CASP1: variants seen among roughly 807,000 people sequenced by gnomAD.
CASP1 encodes the protein caspase-1.
Under a neutral mutation model 41.2 loss-of-function variants are expected in CASP1, and 31 were observed. The ratio of observed to expected loss-of-function variants is 0.75; its 90% CI spans 0.57 to 1.02. CASP1 has a LOEUF of 1.02. Among genes scored for constraint, CASP1 ranks in the 50% least tolerant of loss-of-function variants. The pLI, the probability that CASP1 is intolerant of heterozygous loss-of-function variation, is 0.00. For synonymous variants in CASP1, 163 were observed against 166.5 expected (o/e 0.98, Z 0.16); for missense variants, 490 against 495.7 (o/e 0.99, Z 0.11).
At chr11:105,028,366 T>A (rs1397855248) in intron 7 of CASP1, among the ~76,000 whole-genome samples, 1 of 152,156 alleles carries the variant, frequency 6.6e-6, no homozygotes, top group African/African-American at 2.4e-5. Flanking sequence ...AATGAAAGGA[T>A]TTAAATAATT....
chr11:105,029,292 T>A (rs1278733816), intron 6 of CASP1, 25 bp from the exon 7 acceptor site: 3 of 1,601,664 alleles, frequency 1.9e-6, no homozygotes, highest in Non-Finnish European at 2.6e-6. Flanking sequence ...TTTGATTTGT[T>A]ACTACTACCA....
chr11:105,032,556 T>A (rs1197179153), intron 3 of CASP1, among the ~76,000 whole-genome samples: 1 of 152,038 alleles, frequency 6.6e-6, no homozygotes, highest in Non-Finnish European at 1.5e-5. Context: ...ATAATAGAAG[T>A]AGAAATAGAG....
chr11:105,035,016 C>T, intron 1 of CASP1, 91 bp downstream of exon 1: 1 of 1,544,602 alleles, frequency 6.5e-7, no homozygotes, highest in Non-Finnish European at 8.9e-7. Flanking sequence ...AGTAAACTTC[C>T]ACAGATGCTA....
upstream of CASP1, among the ~76,000 whole-genome samples, chr11:105,035,618 G>GTTTTTTTGTT (rs1555005467): frequency 3.9e-5 from 4 of 103,438 alleles, 1 homozygote; most frequent in Non-Finnish European, 7.4e-5. Flanking sequence ...TTTTCTTTCT[G>GTTTTTTTGTT]TTTTTTTTTT....
At chr11:105,031,952 C>A (rs1025109742) in intron 3 of CASP1, among the ~76,000 whole-genome samples, 1 of 152,052 alleles carries the variant, frequency 6.6e-6, no homozygotes, top group African/African-American at 2.4e-5. Context: ...AATGTTTTCA[C>A]AGAGTTTATG....
intron 4 of CASP1, chr11:105,030,797 C>T: frequency 2.6e-6 from 1 of 389,974 alleles, no homozygotes; most frequent in East Asian, 4.6e-5. Flanking sequence ...GTTCCAATTT[C>T]TGATTGTTTT....
chr11:105,030,334 G>A lies in CASP1; in HGVS notation c.623C>T (p.Ala208Val), dbSNP rs760923024. Residue 208 changes from alanine to valine, a missense_variant, in exon 5 of 9, where the codon GCT (alanine) becomes GTT (valine). Ala to Val is a moderately conservative substitution (Grantham distance 64). Coordinates refer to ENST00000533400, the MANE Select transcript of CASP1 (RefSeq NM_001257118.3). ...CTGTTGTATAATAGAACTTACCGAAGCAGTGAGATTTTTTTTCACATCTAC... is the reference window on the plus strand; with the variant it reads ...CTGTTGTATAATAGAACTTACCGAAACAGTGAGATTTTTTTTCACATCTAC... ...YSVDVKKNLT[A>V]SDMTTELEAF... The A allele has an allele frequency of 6.2e-7, 1 of 1,611,002 alleles. No individual in the cohort carries two copies. The highest frequency in any genetic ancestry group is 1.3e-5 in the African/African-American group (1 of 74,744).
downstream of CASP1, chr11:105,025,457 CT>C (rs1863204792): frequency 2.6e-6 from 1 of 389,198 alleles, no homozygotes; most frequent in Non-Finnish European, 4.9e-6. Context: ...TCCTTAGTCA[CT>C]CTAAGTTCCA....
In CASP1 at chr11:105,025,546, T is replaced by G. The variant is rs1270927682; in HGVS notation, c.*712A>C. On this transcript the variant is annotated 3_prime_UTR_variant, in exon 9 of 9. Coordinates refer to ENST00000533400, the MANE Select transcript of CASP1 (RefSeq NM_001257118.3). ...ACCAGATTTATTATTTCAAAAAAGT[T>G]TATTATTCAGCAGACATAATTCCAA... The G allele has an allele frequency of 1.9e-5, 8 of 427,416 alleles. No homozygotes were observed. The highest frequency in any genetic ancestry group is 3.7e-5 in the Non-Finnish European group (8 of 218,752). 26.5% of individuals were successfully genotyped at this position (427,416 alleles called of 1,614,324 possible). A position where few individuals can be genotyped will look rare whatever the true frequency, so the allele number is the denominator to read the frequency against.
chr11:105,030,724 T>C (rs1422968168), intron 4 of CASP1: 3 of 475,646 alleles, frequency 6.3e-6, no homozygotes, highest in African/African-American at 2.0e-5. Context: ...TTGTTCTTGA[T>C]AGGTAGGATT....
At position 105,029,774 on chromosome 11, in the gene CASP1, T is replaced by G. The variant is rs1463917535; in HGVS notation, c.753A>C (p.Gln251His). The change falls in exon 6 of 9, where the codon CAA becomes CAC. Residue 251 changes from glutamine (Q) to histidine (H), a missense_variant. Transcript: ENST00000533400. ...CATTGAGTTGTAGTATATCTGGGAC[T>G]TGCTCAGAGTGTTTCTTCCCACAAA... ...EGICGKKHSE[Q>H]VPDILQLNAI... The G allele has an allele frequency of 6.2e-7, 1 of 1,613,472 alleles. No homozygotes were observed. Among genetic ancestry groups the G allele is most frequent in the Non-Finnish European group, 8.5e-7 (1 of 1,179,610 alleles).
chr11:105,031,348 C>T (rs973834616), intron 3 of CASP1, 68 bp from the exon 4 acceptor site: 3 of 865,230 alleles, frequency 3.5e-6, no homozygotes, highest in Non-Finnish European at 5.8e-6. Context: ...TTGTTACAGC[C>T]TCACCTATGG....
chr11:105,033,297 A>T (rs1024316349), intron 2 of CASP1, among the ~76,000 whole-genome samples, 171 bp from the exon 3 acceptor site: 2 of 152,220 alleles, frequency 1.3e-5, no homozygotes, highest in Non-Finnish European at 2.9e-5. Flanking sequence ...GAGGTAGAAA[A>T]TGAAAGAGGC....
At chr11:105,030,012 C>G in intron 5 of CASP1, 113 bp from the exon 6 acceptor site, 2 of 860,948 alleles carry the variant, frequency 2.3e-6, no homozygotes, top group Non-Finnish European at 3.6e-6. Context: ...TGACAAACAA[C>G]AGGGTGCCAA....
chr11:105,035,257 A>G (rs973003104), upstream of CASP1: 6 of 1,138,070 alleles, frequency 5.3e-6, no homozygotes, highest in Non-Finnish European at 7.9e-6. Flanking sequence ...AAAGAATCAG[A>G]ACTGTAGCCT....
chr11:105,035,616 C>CTTTCT (rs770202897), upstream of CASP1, among the ~76,000 whole-genome samples: 41 of 52,088 alleles, frequency 7.9e-4, 2 homozygotes, highest in African/African-American at 2.1e-3. Flanking sequence ...TTTTTTCTTT[C>CTTTCT]TGTTTTTTTT....
upstream of CASP1, among the ~76,000 whole-genome samples, chr11:105,035,498 A>G (rs1005336389): frequency 6.6e-6 from 1 of 152,140 alleles, no homozygotes; most frequent in African/African-American, 2.4e-5. Context: ...CTCTTGGGAA[A>G]GTTGTGGGTA....
chr11:105,031,409 C>A, intron 3 of CASP1, 129 bp from the exon 4 acceptor site: 1 of 548,028 alleles, frequency 1.8e-6, no homozygotes, highest in Admixed American at 3.2e-5. Flanking sequence ...TCCTGATCTA[C>A]ATCATTAACA....
intron 7 of CASP1, 155 bp from the exon 8 acceptor site, chr11:105,027,106 G>A (rs1332453815): frequency 1.5e-6 from 1 of 675,992 alleles, no homozygotes; most frequent in South Asian, 1.6e-5. Context: ...GAGTGATTGG[G>A]ATTTGGAAAT....
Sources: allele counts gnomAD v4.1 joint callset (sites outside exome capture counted in the v4.1 genomes callset), GRCh38; gene constraint gnomAD v4.1.1; transcripts MANE v1.5; gene names NCBI Gene and HGNC (gene_info 2026-07-23, HGNC 2026-07-21).